The following CAPS2 variants were observed in gnomAD, a reference collection of about 807,000 sequenced individuals.
CAPS2 encodes calcyphosin-2.
In CAPS2, 98 loss-of-function variants were observed where a neutral mutation model predicts 86.5. The observed-to-expected ratio is 1.13, with a 90% confidence interval of 0.96 to 1.34. CAPS2 has a LOEUF of 1.34. CAPS2 is among the 40% of genes most tolerant of loss of function. The pLI is 0.00. For synonymous variants in CAPS2, 210 were observed against 225.1 expected (o/e 0.93, Z 0.60); for missense variants, 729 against 686.8 (o/e 1.06, Z -0.69).
In CAPS2 at chr12:75,277,978, A is replaced by G. The variant is rs1241565973; in HGVS notation, c.*912T>C. 7 of 887,736 alleles carry G rather than the reference A, an allele frequency of 7.9e-6. No individual in the cohort carries two copies. The East Asian group carries it at 7.2e-4, about 91-fold the overall frequency. 55.0% of individuals were successfully genotyped at this position (887,736 alleles called of 1,614,324 possible). A position where few individuals can be genotyped will look rare whatever the true frequency, so the allele number is the denominator to read the frequency against. On this transcript the variant is annotated 3_prime_UTR_variant, in exon 17 of 17. Coordinates refer to ENST00000393284, the Ensembl canonical transcript of CAPS2. ...AAAACAGATGTTTAGAATATCATAC[A>G]TTCATTTTAGGATACAAAATATGCT...
intron 7 of CAPS2, among the ~76,000 whole-genome samples, chr12:75,307,141 G>T (rs540851943): frequency 2.0e-5 from 3 of 152,294 alleles, no homozygotes; most frequent in South Asian, 4.1e-4. Flanking sequence ...TAGCTGTGTA[G>T]CCCTATCTGG....
chr12:75,318,370 A>G (rs887109883), intron 5 of CAPS2, among the ~76,000 whole-genome samples: 2 of 152,106 alleles, frequency 1.3e-5, no homozygotes, highest in Admixed American at 6.6e-5. Flanking sequence ...TATTCTCAAT[A>G]AAGCCCATCC....
chr12:75,387,772 T>C (rs1313873839), intron 1 of CAPS2, among the ~76,000 whole-genome samples: 2 of 152,170 alleles, frequency 1.3e-5, no homozygotes, highest in African/African-American at 4.8e-5. Context: ...AATACATTCA[T>C]GAGGACAGAC....
At chr12:75,304,736 A>T (rs749346670) in intron 8 of CAPS2, 21 bp downstream of exon 8, 1 of 1,532,450 alleles carries the variant, frequency 6.5e-7, no homozygotes, top group Admixed American at 1.8e-5. Context: ...TCCTCATTTT[A>T]TGTAATTAAA....
chr12:75,293,645 G>A (rs2138375695), intron 11 of CAPS2, among the ~76,000 whole-genome samples: 1 of 152,152 alleles, frequency 6.6e-6, no homozygotes, highest in South Asian at 2.1e-4. Context: ...GAGGAAAAAA[G>A]AACAAATAAT....
intron 15 of CAPS2, among the ~76,000 whole-genome samples, chr12:75,284,451 A>T (rs1170372353): frequency 1.3e-5 from 2 of 152,294 alleles, no homozygotes; most frequent in Non-Finnish European, 1.5e-5. Context: ...CCAATTTAAC[A>T]TGATTATCTT....
chr12:75,279,409 C>T (rs1337758005), intron 16 of CAPS2, among the ~76,000 whole-genome samples: 1 of 151,764 alleles, frequency 6.6e-6, no homozygotes, highest in East Asian at 1.9e-4. Flanking sequence ...TAAACAGAGG[C>T]CCATATATAA....
intron 6 of CAPS2, among the ~76,000 whole-genome samples, chr12:75,314,732 C>G (rs1348934191): frequency 6.6e-6 from 1 of 151,984 alleles, no homozygotes; most frequent in Non-Finnish European, 1.5e-5. Flanking sequence ...AAAACCCAGA[C>G]AGAAACCAAA....
chr12:75,309,238 C>G (rs2138744352), intron 7 of CAPS2, among the ~76,000 whole-genome samples: 1 of 152,236 alleles, frequency 6.6e-6, no homozygotes, highest in East Asian at 1.9e-4. Context: ...CCCAAAGTAC[C>G]AAACTAAGGT....
chr12:75,278,957 C>A, exon 17 of CAPS2: 1 of 1,610,582 alleles, frequency 6.2e-7, no homozygotes, highest in South Asian at 1.1e-5. Context: ...TATACTTAAA[C>A]CTTCATAGTA....
At chr12:75,309,426 C>A (rs539246812) in intron 7 of CAPS2, among the ~76,000 whole-genome samples, 1 of 152,338 alleles carries the variant, frequency 6.6e-6, no homozygotes, top group Admixed American at 6.5e-5. Flanking sequence ...TCCTCCTTAA[C>A]CAGGTTGGGT....
At position 75,321,406 on chromosome 12, in the gene CAPS2, A is replaced by T. The variant is rs1405095541; in HGVS notation, c.462T>A (p.Asp154Glu). 5.9e-6 allele frequency: 9 copies of T among 1,533,096 alleles called. No homozygotes were observed. In the African/African-American group the frequency reaches 1.3e-4, roughly 21 times the overall value. The allele number at this position is 1,533,096 out of a possible 1,614,324, so 95.0% of individuals were successfully genotyped here. Residue 154 changes from aspartate (D) to glutamate (E), a missense_variant, in exon 5 of 17, where the codon GAT (aspartate) becomes GAA (glutamate). Asp to Glu is a conservative substitution (Grantham distance 45). Transcript: ENST00000393284. ...TTAAAGCCTCATACATTACCTTTTCATCTATCTTGTTTCTTGGAGACTGTT... is the reference window on the plus strand; with the variant it reads ...TTAAAGCCTCATACATTACCTTTTCTTCTATCTTGTTTCTTGGAGACTGTT...
chr12:75,316,160 T>G, intron 6 of CAPS2, 152 bp downstream of exon 6: 2 of 962,724 alleles, frequency 2.1e-6, no homozygotes. Flanking sequence ...ATTCAATCAT[T>G]TATAAAAATG....
chr12:75,387,254 T>G (rs1420365775), intron 1 of CAPS2, among the ~76,000 whole-genome samples: 1 of 152,152 alleles, frequency 6.6e-6, no homozygotes, highest in African/African-American at 2.4e-5. Flanking sequence ...GTCAAAAACC[T>G]TAATGGACAC....
chr12:75,291,480 C>CATATAT (rs556770226), intron 13 of CAPS2, among the ~76,000 whole-genome samples: 45 of 18,634 alleles, frequency 2.4e-3, no homozygotes, highest in South Asian at 4.0e-3. Context: ...ACAATAAAAG[C>CATATAT]ATATATATAT....
chr12:75,305,358 G>A, intron 7 of CAPS2: 1 of 365,530 alleles, frequency 2.7e-6, no homozygotes. Flanking sequence ...AAAGGTGAGA[G>A]TACAAGACTT....
intron 11 of CAPS2, among the ~76,000 whole-genome samples, chr12:75,297,111 T>G (rs995189318): frequency 2.6e-5 from 4 of 152,176 alleles, no homozygotes; most frequent in African/African-American, 9.7e-5. Context: ...CTTTCCTTTC[T>G]TTCTTGGAAA....
upstream of CAPS2, among the ~76,000 whole-genome samples, chr12:75,331,249 G>C (rs568700777): frequency 6.6e-6 from 1 of 152,278 alleles, no homozygotes; most frequent in South Asian, 2.1e-4. Context: ...TTAGAAGTAA[G>C]AGTTTATGAA....
chr12:75,374,790 A>AT (rs1390749359), intron 1 of CAPS2, among the ~76,000 whole-genome samples: 2 of 152,204 alleles, frequency 1.3e-5, no homozygotes, highest in East Asian at 1.9e-4. Flanking sequence ...AGAAAAAGGC[A>AT]TTTGCCAAAT....
Sources: allele counts gnomAD v4.1 joint callset (sites outside exome capture counted in the v4.1 genomes callset), GRCh38; gene constraint gnomAD v4.1.1; transcripts MANE v1.5; gene names NCBI Gene and HGNC (gene_info 2026-07-23, HGNC 2026-07-21).